CCDC180: variants seen among roughly 807,000 people sequenced by gnomAD.
CCDC180 encodes the protein coiled-coil domain-containing protein 180.
In CCDC180, 154 loss-of-function variants were observed where a neutral mutation model predicts 209.2. The ratio of observed to expected loss-of-function variants is 0.74; its 90% CI spans 0.65 to 0.84. The LOEUF (loss-of-function observed/expected upper bound fraction) is 0.84, where lower values mean the gene tolerates loss of function less well. CCDC180 is among the 40% of genes least tolerant of loss of function. CCDC180 has a pLI of 0.00. For synonymous variants in CCDC180, 778 were observed against 749.1 expected (o/e 1.04, Z -0.63); for missense variants, 1,874 against 1,997.3 (o/e 0.94, Z 1.18).
intron 18 of CCDC180, among the ~76,000 whole-genome samples, chr9:97,337,840 G>T (rs1825956581): frequency 1.3e-5 from 2 of 152,178 alleles, no homozygotes; most frequent in Non-Finnish European, 2.9e-5. Context: ...CTCAATTTCA[G>T]AGCCTGTTAT....
At position 97,361,877 on chromosome 9, in the gene CCDC180, A is replaced by G. The variant is rs377515237; in HGVS notation, c.3635A>G (p.Asp1212Gly). 50 of 1,613,956 alleles carry G rather than the reference A, an allele frequency of 3.1e-5. No homozygotes were observed. The East Asian group carries it at 4.9e-4, about 16-fold the overall frequency. ...CCCCTGATTGAGGACCCAGCTGTGG[A>G]TGTGATCAGGAAGCTCCTGCAGTGA... ...GKPLIEDPAV[D>G]VIRKLLQLPN... The change falls in exon 27 of 37, where the codon GAT becomes GGT. Residue 1212 changes from aspartate (D) to glycine (G), a missense_variant. Coordinates refer to ENST00000529487, the MANE Select transcript of CCDC180 (RefSeq NM_020893.6).
chr9:97,371,445 G>A (rs1222098246), intron 33 of CCDC180, 150 bp from the exon 34 acceptor site: 3 of 485,826 alleles, frequency 6.2e-6, no homozygotes, highest in African/African-American at 5.7e-5. Flanking sequence ...AGGCCTCCTG[G>A]CTGAGGGCCA....
At position 97,377,497 on chromosome 9, in the gene CCDC180, G is replaced by T; in HGVS notation, c.*603G>T. On this transcript the variant is annotated 3_prime_UTR_variant, in exon 37 of 37. Coordinates refer to ENST00000529487, the MANE Select transcript of CCDC180 (RefSeq NM_020893.6). ...CGTCAACTCTCTTCTTCAATTACATGGCGTGAGCGTACAGCCTTCATTTGT... is the reference window on the plus strand; with the variant it reads ...CGTCAACTCTCTTCTTCAATTACATTGCGTGAGCGTACAGCCTTCATTTGT... 6.6e-6 allele frequency: 1 copy of T among 152,444 alleles called. No homozygotes were observed. The allele number at this position is 152,444 out of a possible 1,614,324, so 9.4% of individuals were successfully genotyped here.
At position 97,314,913 on chromosome 9, in the gene CCDC180, C is replaced by G; in HGVS notation, c.762C>G (p.Pro254=). The change falls in exon 8 of 37, where the codon CCC becomes CCG. Residue 254 remains proline (P), a synonymous_variant. Coordinates refer to ENST00000529487, the MANE Select transcript of CCDC180 (RefSeq NM_020893.6). ...VIEKTSYLMR[P]EVYRLINEEA... The stretch of plus-strand genomic sequence containing the variant: ...AGAAAACTTCCTACCTCATGCGGCC[C>G]GAAGTGTACAGGCTGATAAATGAAG... 3 of 1,614,042 alleles carry G rather than the reference C, an allele frequency of 1.9e-6. No homozygotes were observed. Among genetic ancestry groups the G allele is most frequent in the Non-Finnish European group, 2.5e-6 (3 of 1,179,964 alleles).
At chr9:97,353,188 G>A (rs552971170) in intron 22 of CCDC180, among the ~76,000 whole-genome samples, 4 of 152,136 alleles carry the variant, frequency 2.6e-5, no homozygotes, top group East Asian at 3.9e-4. Flanking sequence ...GTAGAGACAC[G>A]GTTTCACCAT....
chr9:97,336,296 G>A (rs1242264548), intron 18 of CCDC180, among the ~76,000 whole-genome samples: 3 of 152,160 alleles, frequency 2.0e-5, no homozygotes, highest in African/African-American at 4.8e-5. Context: ...ATGGTTTTAG[G>A]TCTAACATTT....
At position 97,362,352 on chromosome 9, in the gene CCDC180, G is replaced by A. The variant is rs370300373; in HGVS notation, c.3813G>A (p.Ser1271=). 1.3e-5 allele frequency: 21 copies of A among 1,613,968 alleles called. No homozygotes were observed. The East Asian group carries it at 1.8e-4, about 14-fold the overall frequency. ...PPVLCSCPGP[S]SPKGFKRHRC... is the part of the protein sequence containing the mutation. ...TCCTCTGCTCCTGTCCTGGGCCCTC[G>A]TCACCCAAAGGCTTCAAGCGACATC... The change falls in exon 28 of 37, where the codon TCG becomes TCA. Residue 1271 remains serine, a synonymous_variant. Transcript: ENST00000529487.
chr9:97,308,142 G>A lies in CCDC180; in HGVS notation c.69+10G>A, dbSNP rs747351626. On this transcript the variant is annotated intron_variant, in intron 2 of 36. Transcript: ENST00000529487. ...GATCTTCCAGGCTGAGGTAGGAGCC[G>A]CCCTCTGTCCCGCTTTTCTCCATCC... is the stretch of plus-strand genomic sequence containing the variant. 2.5e-5 allele frequency: 39 copies of A among 1,584,930 alleles called. No homozygotes were observed. The highest frequency in any genetic ancestry group is 3.3e-5 in the Non-Finnish European group (38 of 1,166,226).
chr9:97,362,322 T>C lies in CCDC180; in HGVS notation c.3783T>C (p.Pro1261=). 2 of 1,614,018 alleles carry C rather than the reference T, an allele frequency of 1.2e-6. No individual in the cohort carries two copies. Among genetic ancestry groups the C allele is most frequent in the Non-Finnish European group, 1.7e-6 (2 of 1,179,994 alleles). ...GGGCTGGTGGTGCTGTGTGCTCACC[T>C]CCTGTCCTCTGCTCCTGTCCTGGGC... ...EAGAGGAVCS[P]PVLCSCPGPS... Residue 1261 remains proline, a synonymous_variant, in exon 28 of 37, where the codon CCT becomes CCC. Coordinates refer to ENST00000529487, the MANE Select transcript of CCDC180 (RefSeq NM_020893.6).
At chr9:97,323,398 CAG>C (rs1418604078) in intron 12 of CCDC180, among the ~76,000 whole-genome samples, 7 of 152,182 alleles carry the variant, frequency 4.6e-5, no homozygotes, top group Admixed American at 4.6e-4. Context: ...CACTGCATAA[CAG>C]AGTGAGACAG....
Position 97,318,582 on chromosome 9 carries a change from G to C in CCDC180, c.1079G>C (p.Cys360Ser). 6.2e-7 allele frequency: 1 copy of C among 1,612,122 alleles called. No individual in the cohort carries two copies. The highest frequency in any genetic ancestry group is 8.5e-7 in the Non-Finnish European group (1 of 1,179,588). ...QRRLKHLCTICDLLPPSYSKT... is the reference protein window; with the variant it reads ...QRRLKHLCTISDLLPPSYSKT... ...CGGCTGAAGCATCTCTGCACCATCTGGTATGGGCAGGAGGGGCGGCCCAGG... is the reference window on the plus strand; with the variant it reads ...CGGCTGAAGCATCTCTGCACCATCTCGTATGGGCAGGAGGGGCGGCCCAGG... The change falls in exon 10 of 37, where the codon TGT becomes TCT. Residue 360 changes from cysteine (C) to serine (S), a missense_variant and splice_region_variant. Transcript: ENST00000529487.
In CCDC180 at chr9:97,314,708, G is replaced by A; in HGVS notation, c.679G>A (p.Glu227Lys). 1.2e-6 allele frequency: 2 copies of A among 1,613,898 alleles called. No individual in the cohort carries two copies. Among genetic ancestry groups the A allele is most frequent in the Non-Finnish European group, 1.7e-6 (2 of 1,179,930 alleles). Residue 227 changes from glutamate to lysine, a missense_variant, in exon 7 of 37, where the codon GAG becomes AAG. Physicochemically the swap from Glu to Lys is moderately conservative, Grantham distance 56. Transcript: ENST00000529487. ...KELDEALHSL[E>K]FSRTDKLKSV... ...GCTGGATGAGGCCCTGCACTCGCTG[G>A]AGTTCTCCCGAACCGATAAAGTAAG...
At chr9:97,307,430 C>G, upstream of CCDC180, 1 of 581,908 alleles carries the variant, frequency 1.7e-6, no homozygotes, top group Non-Finnish European at 3.2e-6. Context: ...TCCAATCTAC[C>G]GGGCTCAGGG....
At chr9:97,310,544 G>T (rs1832948693) in intron 3 of CCDC180, among the ~76,000 whole-genome samples, 1 of 152,132 alleles carries the variant, frequency 6.6e-6, no homozygotes, top group African/African-American at 2.4e-5. Context: ...GATCTTCCCA[G>T]GGTTCTTGAG....
At chr9:97,307,860 C>T (rs751093296) in intron 1 of CCDC180, 54 bp downstream of exon 1, 71 of 1,608,638 alleles carry the variant, frequency 4.4e-5, no homozygotes, top group Non-Finnish European at 5.4e-5. Context: ...GTTCCCCAGC[C>T]GCCTACCCCC....
At position 97,347,388 on chromosome 9, in the gene CCDC180, C is replaced by G; in HGVS notation, c.2573C>G (p.Ala858Gly). The change falls in exon 20 of 37, where the codon GCC (alanine) becomes GGC (glycine). Residue 858 changes from alanine to glycine, a missense_variant. Coordinates refer to ENST00000529487, the MANE Select transcript of CCDC180 (RefSeq NM_020893.6). ...QCSLNTRVTV[A>G]TKINELDSEL... ...TCCCTCAACACCCGGGTCACCGTGG[C>G]CACCAAAATCAATGAGCTGGATTCA... 1 of 1,536,112 alleles carries G rather than the reference C, an allele frequency of 6.5e-7. No individual in the cohort carries two copies. The highest frequency in any genetic ancestry group is 1.2e-5 in the South Asian group (1 of 84,054).
chr9:97,353,049 T>C (rs1826469330), intron 22 of CCDC180, among the ~76,000 whole-genome samples: 2 of 152,084 alleles, frequency 1.3e-5, no homozygotes, highest in Admixed American at 6.5e-5. Flanking sequence ...CAGGCTGGAA[T>C]GCAGTGGCAC....
chr9:97,359,841 C>T, intron 25 of CCDC180, 141 bp from the exon 26 acceptor site: 2 of 1,090,076 alleles, frequency 1.8e-6, no homozygotes, highest in Admixed American at 2.2e-5. Flanking sequence ...TCCCCAAGGG[C>T]CTTCCCTGCA....
intron 1 of CCDC180, 68 bp downstream of exon 1, chr9:97,307,874 C>A (rs1832846784): frequency 6.2e-7 from 1 of 1,603,460 alleles, no homozygotes; most frequent in Admixed American, 1.7e-5. Context: ...TACCCCCCAG[C>A]AGAGAGTCCT....
Sources: allele counts gnomAD v4.1 joint callset (sites outside exome capture counted in the v4.1 genomes callset), GRCh38; gene constraint gnomAD v4.1.1; transcripts MANE v1.5; gene names NCBI Gene and HGNC (gene_info 2026-07-23, HGNC 2026-07-21).